MRC1: variants seen among roughly 807,000 people sequenced by gnomAD.
The protein encoded by MRC1 is macrophage mannose receptor 1.
MRC1 carries 62 observed loss-of-function variants against 102.9 expected under a neutral mutation model. That is an observed-to-expected ratio of 0.60 (90% CI 0.49 to 0.74). MRC1 has a LOEUF of 0.74. Among genes scored for constraint, MRC1 ranks in the 30% least tolerant of loss-of-function variants. MRC1 has a pLI of 0.00. For synonymous variants in MRC1, 457 were observed against 298.4 expected, an observed-to-expected ratio of 1.53 and a Z score of -5.48; for missense variants, 1,237 against 862.8, an observed-to-expected ratio of 1.43 and a Z score of -5.43.
chr10:17,890,890 C>T (rs1833662626), intron 22 of MRC1, among the ~76,000 whole-genome samples: 1 of 152,078 alleles, frequency 6.6e-6, no homozygotes, highest in African/African-American at 2.4e-5. Context: ...TTCCTCGTCA[C>T]TCGCATCACT....
At chr10:17,881,834 GTTTTTTTTT>G (rs1159143035) in intron 21 of MRC1, among the ~76,000 whole-genome samples, 8 of 61,858 alleles carry the variant, frequency 1.3e-4, no homozygotes, top group East Asian at 4.9e-4. Flanking sequence ...ATTTTTTAAA[GTTTTTTTTT>G]TTTTTTTTTT....
intron 23 of MRC1, among the ~76,000 whole-genome samples, chr10:17,894,914 T>A (rs1833734372): frequency 6.6e-6 from 1 of 152,180 alleles, no homozygotes. Context: ...GGCTCATGCC[T>A]GTAATCCCAG....
chr10:17,887,465 C>T (rs1452992617), intron 22 of MRC1, among the ~76,000 whole-genome samples: 2 of 152,194 alleles, frequency 1.3e-5, no homozygotes, highest in Non-Finnish European at 2.9e-5. Context: ...TGGAGAAATT[C>T]TTTCATTCTC....
intron 14 of MRC1, among the ~76,000 whole-genome samples, 159 bp downstream of exon 14, chr10:17,871,094 C>T (rs975925035): frequency 7.1e-4 from 108 of 152,012 alleles, no homozygotes; most frequent in African/African-American, 2.4e-3. Context: ...CTAAAACTTG[C>T]GTGTTTTATA....
At chr10:17,818,563 C>A (rs1011382474) in intron 1 of MRC1, among the ~76,000 whole-genome samples, 1 of 152,180 alleles carries the variant, frequency 6.6e-6, no homozygotes, top group Non-Finnish European at 1.5e-5. Context: ...AATCCCAACA[C>A]GTTGGGAGGC....
chr10:17,845,793 G>A (rs1387707946), intron 6 of MRC1, among the ~76,000 whole-genome samples: 2 of 152,164 alleles, frequency 1.3e-5, no homozygotes, highest in African/African-American at 2.4e-5. Context: ...GTCAACATTT[G>A]GAAGGGATGT....
chr10:17,862,256 A>G (rs1010746235), intron 10 of MRC1, among the ~76,000 whole-genome samples: 2 of 152,222 alleles, frequency 1.3e-5, no homozygotes, highest in African/African-American at 2.4e-5. Context: ...GAGATGTCAT[A>G]ACATTTCATA....
chr10:17,878,708 G>A (rs1833471045), intron 18 of MRC1, among the ~76,000 whole-genome samples: 1 of 151,928 alleles, frequency 6.6e-6, no homozygotes, highest in Non-Finnish European at 1.5e-5. Flanking sequence ...TGTTGCCCAG[G>A]CTGGAGTGCA....
chr10:17,849,857 T>A, intron 7 of MRC1, 93 bp downstream of exon 7: 2 of 651,472 alleles, frequency 3.1e-6, no homozygotes, highest in South Asian at 4.0e-5. Flanking sequence ...AAACATCAAA[T>A]TTAATCAATG....
chr10:17,899,923 A>G (rs892574269), intron 24 of MRC1, among the ~76,000 whole-genome samples: 2,466 of 151,942 alleles, frequency 0.016, 20 homozygotes, highest in Non-Finnish European at 0.025. Flanking sequence ...ACATGGTGAA[A>G]ACCCGTCTCT....
At chr10:17,841,398 A>G (rs889094660) in intron 5 of MRC1, among the ~76,000 whole-genome samples, 6,278 of 152,272 alleles carry the variant, frequency 0.041, 318 homozygotes, top group African/African-American at 0.12. Flanking sequence ...TAAAAATACT[A>G]TCTCAGTTAC....
At chr10:17,823,615 T>C (rs1169613586) in intron 2 of MRC1, 140 bp downstream of exon 2, 6 of 714,144 alleles carry the variant, frequency 8.4e-6, no homozygotes, top group African/African-American at 1.8e-5. Flanking sequence ...TTTTCAACTA[T>C]TCTGTAGGAC....
intron 20 of MRC1, 58 bp from the exon 21 acceptor site, chr10:17,881,009 T>A: frequency 1.3e-6 from 1 of 778,236 alleles, no homozygotes; most frequent in East Asian, 2.4e-5. Flanking sequence ...GCAAAGTTGA[T>A]CATCTTTAGT....
chr10:17,870,780 G>C (rs1464188532), intron 13 of MRC1, 68 bp from the exon 14 acceptor site: 8 of 852,970 alleles, frequency 9.4e-6, no homozygotes, highest in Non-Finnish European at 1.4e-5. Flanking sequence ...AATGTGGTTA[G>C]TCCTCATAAG....
At position 17,902,047 on chromosome 10, in the gene MRC1, C is replaced by G; in HGVS notation, c.3724C>G (p.His1242Asp). 1.3e-6 allele frequency: 1 copy of G among 780,836 alleles called. No individual in the cohort carries two copies. The highest frequency in any genetic ancestry group is 1.3e-5 in the South Asian group (1 of 74,604). The allele number at this position is 780,836 out of a possible 1,614,324, so 48.4% of individuals were successfully genotyped here. ...AGATCACACAGCATGGATTCCTTTC[C>G]ATGGTCACTGTTACTATATTGAGTC... ...ESDHTAWIPF[H>D]GHCYYIESSY... Residue 1242 changes from histidine to aspartate, a missense_variant, in exon 26 of 30, where the codon CAT becomes GAT. Transcript: ENST00000569591.
At chr10:17,869,036 G>C (rs1052165956) in intron 12 of MRC1, among the ~76,000 whole-genome samples, 2 of 152,176 alleles carry the variant, frequency 1.3e-5, no homozygotes, top group Admixed American at 6.5e-5. Flanking sequence ...TTTTCTGAGA[G>C]AATCAGCAGT....
At position 17,809,394 on chromosome 10, in the gene MRC1, G is replaced by A. The variant is rs982152053; in HGVS notation, c.-72G>A. On this transcript the variant is annotated 5_prime_UTR_variant, in exon 1 of 30. Coordinates refer to ENST00000569591, the MANE Select transcript of MRC1 (RefSeq NM_002438.4). Reference sequence around the variant, plus strand: ...TTGGATTAGGTGGAGAGGCAGTTGGGGGGCCTCGTTGTTTTGCGTCTTAGT... The same window carrying A: ...TTGGATTAGGTGGAGAGGCAGTTGGAGGGCCTCGTTGTTTTGCGTCTTAGT... 1.2e-6 allele frequency: 1 copy of A among 859,492 alleles called. No homozygotes were observed. The highest frequency in any genetic ancestry group is 2.4e-5 in the East Asian group (1 of 41,610). 53.2% of individuals were successfully genotyped at this position (859,492 alleles called of 1,614,324 possible).
At chr10:17,863,918 A>G (rs1833223895) in intron 11 of MRC1, among the ~76,000 whole-genome samples, 1 of 151,600 alleles carries the variant, frequency 6.6e-6, no homozygotes, top group South Asian at 2.1e-4. Context: ...GCTAGGTTAT[A>G]TTGCTGGGTT....
chr10:17,879,246 A>G (rs886373795), intron 18 of MRC1, among the ~76,000 whole-genome samples: 3,707 of 152,310 alleles, frequency 0.024, 133 homozygotes, highest in African/African-American at 0.084. Flanking sequence ...ACTGCGGAGC[A>G]TGATGCATAG....
Sources: allele counts gnomAD v4.1 joint callset (sites outside exome capture counted in the v4.1 genomes callset), GRCh38; gene constraint gnomAD v4.1.1; transcripts MANE v1.5; gene names NCBI Gene and HGNC (gene_info 2026-07-23, HGNC 2026-07-21).